Variants in GREB1 observed in about 807,000 individuals in gnomAD.
The protein encoded by GREB1 is growth regulating estrogen receptor binding 1, also known as protein GREB1.
GREB1 carries 106 observed loss-of-function variants against 200.7 expected under a neutral mutation model. That is an observed-to-expected ratio of 0.53 (90% CI 0.45 to 0.62). The LOEUF (loss-of-function observed/expected upper bound fraction) is 0.62, where lower values mean the gene tolerates loss of function less well. Ranked by LOEUF, GREB1 falls within the 20% of genes least tolerant of loss-of-function variation. GREB1 has a pLI of 0.00. For synonymous variants in GREB1, 1,132 were observed against 1,092.4 expected (o/e 1.04, Z -0.72); for missense variants, 2,243 against 2,556.8 (o/e 0.88, Z 2.65).
chr2:11,616,217 C>T (rs913910688), intron 20 of GREB1, among the ~76,000 whole-genome samples: 1 of 152,254 alleles, frequency 6.6e-6, no homozygotes, highest in African/African-American at 2.4e-5. Flanking sequence ...CCCTTCTGGC[C>T]TCTGCGCTGC....
At chr2:11,505,263 C>T (rs934382122) in intron 1 of GREB1, among the ~76,000 whole-genome samples, 5 of 152,072 alleles carry the variant, frequency 3.3e-5, no homozygotes, top group African/African-American at 1.2e-4. Context: ...ATGGGGACTG[C>T]GGCGAGGGGA....
intron 1 of GREB1, among the ~76,000 whole-genome samples, chr2:11,499,720 G>T (rs774902262): frequency 2.6e-4 from 40 of 152,222 alleles, no homozygotes; most frequent in Non-Finnish European, 4.4e-5. Context: ...ACCTGGACAT[G>T]ACTGTTGTTA....
chr2:11,618,568 A>C lies in GREB1; in HGVS notation c.3693A>C (p.Ser1231=), dbSNP rs758692317. The change falls in exon 22 of 33, where the codon TCA becomes TCC. Residue 1231 remains serine (S), a synonymous_variant. Coordinates refer to ENST00000381486, the MANE Select transcript of GREB1 (RefSeq NM_014668.4). ...CCTCCTCCTCGGGCTCATCCTCCTC[A>C]TCCGTGGCGCCCGCTGCCGGCACGT... ...QLSSSSGSSS[S]SVAPAAGTWV... The C allele has an allele frequency of 1.2e-6, 2 of 1,612,552 alleles. No homozygotes were observed. Among genetic ancestry groups the C allele is most frequent in the South Asian group, 2.2e-5 (2 of 90,960 alleles).
At chr2:11,552,661 C>T (rs1340313079) in intron 1 of GREB1, among the ~76,000 whole-genome samples, 1 of 152,148 alleles carries the variant, frequency 6.6e-6, no homozygotes, top group Non-Finnish European at 1.5e-5. Flanking sequence ...AGAGCACTGC[C>T]ATGGTATCTA....
At chr2:11,593,793 C>T (rs1023222802) in intron 11 of GREB1, among the ~76,000 whole-genome samples, 1 of 151,786 alleles carries the variant, frequency 6.6e-6, no homozygotes, top group African/African-American at 2.4e-5. Flanking sequence ...TAAAAACACC[C>T]ATTGAGGCCC....
intron 21 of GREB1, 58 bp downstream of exon 21, chr2:11,616,778 G>A: frequency 9.8e-7 from 1 of 1,024,378 alleles, no homozygotes; most frequent in Non-Finnish European, 1.5e-6. Context: ...AGGTTTCAGA[G>A]AATGAAAAGA....
intron 19 of GREB1, among the ~76,000 whole-genome samples, chr2:11,612,933 G>T (rs1379384391): frequency 6.6e-6 from 1 of 152,350 alleles, no homozygotes; most frequent in East Asian, 1.9e-4. Context: ...GGGGCGCTCT[G>T]TGTGTGCTGG....
intron 1 of GREB1, among the ~76,000 whole-genome samples, chr2:11,535,841 T>A (rs1674268121): frequency 6.6e-6 from 1 of 152,256 alleles, no homozygotes; most frequent in Non-Finnish European, 1.5e-5. Flanking sequence ...CTCTGAAATC[T>A]CTGGGCTGTC....
upstream of GREB1, among the ~76,000 whole-genome samples, chr2:11,532,997 A>G (rs1047185263): frequency 2.6e-5 from 4 of 152,212 alleles, no homozygotes; most frequent in Non-Finnish European, 5.9e-5. Flanking sequence ...TCAGTCACAT[A>G]GCCAGTAGAT....
upstream of GREB1, among the ~76,000 whole-genome samples, chr2:11,532,874 G>A (rs139907914): frequency 3.3e-5 from 5 of 152,294 alleles, no homozygotes; most frequent in East Asian, 5.8e-4. Context: ...TATGGCAGAC[G>A]GTGTAAAAGG....
chr2:11,605,144 CTTTTTTTTTTTTTTT>C lies in GREB1; in HGVS notation c.2666+2620_2666+2634del, dbSNP rs3035991. Among the ~76,000 whole-genome samples, 20 of 44,828 alleles carry C rather than the reference CTTTTTTTTTTTTTTT, an allele frequency of 4.5e-4. 1 individual carries two copies. The highest frequency in any genetic ancestry group is 1.7e-3 in the Admixed American group (4 of 2,420). The allele number at this position is 44,828 out of a possible 152,430, so 29.4% of individuals were successfully genotyped here. On this transcript the variant is annotated intron_variant, in intron 17 of 32. Coordinates refer to ENST00000381486, the MANE Select transcript of GREB1 (RefSeq NM_014668.4). The stretch of plus-strand genomic sequence containing the variant: ...TGGAGCTGGGCACCAGAGCCTGCTT[CTTTTTTTTTTTTTTT>C]TTTTTTTTTTTTTTTTTACGCAGCA...
chr2:11,517,889 G>A (rs368090679), intron 1 of GREB1, among the ~76,000 whole-genome samples: 6 of 152,194 alleles, frequency 3.9e-5, no homozygotes, highest in South Asian at 2.1e-4. Context: ...TCCTGACGTC[G>A]TGATCCACCT....
intron 1 of GREB1, among the ~76,000 whole-genome samples, chr2:11,485,725 G>A (rs983358754): frequency 1.1e-4 from 16 of 152,158 alleles, no homozygotes; most frequent in African/African-American, 3.6e-4. Context: ...GAATACCTGT[G>A]GCATTATAGA....
Position 11,512,490 on chromosome 2 carries a change from A to T in GREB1, c.-159+30109A>T, listed in dbSNP as rs1310564511. 3.9e-5 allele frequency among the ~76,000 whole-genome samples: 6 copies of T among 152,372 alleles called. No homozygotes were observed. The East Asian group carries it at 1.2e-3, about 29-fold the overall frequency. The stretch of plus-strand genomic sequence containing the variant: ...TGATTCCTGCAAGGATTTTCCTGGC[A>T]ACATTGAAGCAAGGGGAAACGTGTG... On this transcript the variant is annotated intron_variant, in intron 1 of 2. Coordinates refer to the GREB1 transcript ENST00000628795.
In GREB1 at chr2:11,580,726, A is replaced by G. The variant is rs764330178; in HGVS notation, c.795A>G (p.Ser265=). The G allele has an allele frequency of 4.3e-6, 7 of 1,613,722 alleles. No individual in the cohort carries two copies. The Admixed American group carries it at 8.3e-5, about 19-fold the overall frequency. Residue 265 remains serine, a synonymous_variant, in exon 7 of 33, where the codon TCA becomes TCG. Transcript: ENST00000381486. The surrounding 1 kb of genome is among the most constrained non-coding windows in gnomAD (Gnocchi z 4.5). ...CAGGACCAGCTTCTGATCACCCCTC[A>G]CTAAACGCAGCAATGGGTCCGGCTG... The part of the protein sequence containing the change: ...QQAGPASDHP[S]LNAAMGPAVF...
intron 20 of GREB1, 42 bp downstream of exon 20, chr2:11,615,332 T>C: frequency 6.7e-7 from 1 of 1,496,252 alleles, no homozygotes; most frequent in Non-Finnish European, 9.1e-7. Context: ...CCTGTCTGCA[T>C]GTCTTTCTTG....
intron 22 of GREB1, 34 bp downstream of exon 22, chr2:11,618,953 G>T (rs905571807): frequency 2.8e-6 from 4 of 1,448,656 alleles, no homozygotes; most frequent in Non-Finnish European, 3.6e-6. Context: ...CACAGCCCCG[G>T]ACTGGGGGGG....
intron 1 of GREB1, among the ~76,000 whole-genome samples, chr2:11,547,186 G>A (rs572709229): frequency 2.6e-5 from 4 of 151,928 alleles, no homozygotes; most frequent in Admixed American, 6.6e-5. Context: ...CAAGTGATCC[G>A]CCTGCCTCGG....
chr2:11,623,113 T>C (rs1213699149), intron 23 of GREB1, among the ~76,000 whole-genome samples: 4 of 152,242 alleles, frequency 2.6e-5, no homozygotes, highest in Admixed American at 6.5e-5. Flanking sequence ...GGACTGCATC[T>C]GTGACGTTGG....
Sources: gnomAD v4.1 joint callset for allele counts (sites outside exome capture counted in the v4.1 genomes callset) on GRCh38, gnomAD v4.1.1 for gene constraint, Gnocchi (gnomAD v3.1) non-coding constraint, MANE v1.5 for transcripts, NCBI Gene and HGNC (gene_info 2026-07-23, HGNC 2026-07-21) for gene names.